Variants in SCARA3 observed in about 807,000 individuals in gnomAD.
SCARA3 encodes the protein cellular stress response gene protein.
Under a neutral mutation model 47.0 loss-of-function variants are expected in SCARA3, and 39 were observed. The ratio of observed to expected loss-of-function variants is 0.83; its 90% confidence interval spans 0.64 to 1.08. The LOEUF (loss-of-function observed/expected upper bound fraction) is 1.08, where lower values mean the gene tolerates loss of function less well. Among genes scored for constraint, SCARA3 ranks in the 50% least tolerant of loss-of-function variants. The pLI, the probability that SCARA3 is intolerant of heterozygous loss-of-function variation, is 0.00. For missense variants in SCARA3, 724 were observed against 792.3 expected, an observed-to-expected ratio of 0.91 and a Z score of 1.04; for synonymous variants, 356 against 334.1, an observed-to-expected ratio of 1.07 and a Z score of -0.71.
At chr8:27,648,582 C>T (rs996309537) in intron 1 of SCARA3, among the ~76,000 whole-genome samples, 15 of 150,914 alleles carry the variant, frequency 9.9e-5, no homozygotes, top group African/African-American at 2.9e-4. Flanking sequence ...CCAGCCTGGG[C>T]GACACAGTGA....
chr8:27,715,595 A>T, the SCARA3 span, among the ~76,000 whole-genome samples: 1 of 109,774 alleles, frequency 9.1e-6, no homozygotes, highest in Non-Finnish European at 1.9e-5. The surrounding 1 kb of genome is among the most constrained non-coding windows in gnomAD (Gnocchi z 4.2). Context: ...TAGATGATAG[A>T]TAGATAGATA....
chr8:27,649,711 C>A lies in SCARA3; in HGVS notation c.17C>A (p.Ala6Asp). Reference protein sequence around the residue: MKVRSAGGDGDALCVT... With the variant: MKVRSDGGDGDALCVT... ...ACTGGCTTCATTATAGTGAGGTCGG[C>A]CGGCGGCGATGGAGATGCCTTGTGC... Residue 6 changes from alanine to aspartate, a missense_variant, in exon 2 of 6, where the codon GCC becomes GAC. Coordinates refer to ENST00000301904, the MANE Select transcript of SCARA3 (RefSeq NM_016240.3). 5.0e-6 allele frequency: 8 copies of A among 1,614,008 alleles called. No homozygotes were observed. The highest frequency in any genetic ancestry group is 6.8e-6 in the Non-Finnish European group (8 of 1,179,988).
rs1370614415 is a variant in SCARA3, at chr8:27,672,964, A to G, written c.*1613A>G. 14 of 985,352 alleles carry G rather than the reference A, an allele frequency of 1.4e-5. No individual in the cohort carries two copies. Among genetic ancestry groups the G allele is most frequent in the Non-Finnish European group, 1.6e-5 (13 of 829,946 alleles). The allele number at this position is 985,352 out of a possible 1,614,324, so 61.0% of individuals were successfully genotyped here. The stretch of plus-strand genomic sequence containing the variant: ...GGCCATGTAACTCTCCTGTCCACAT[A>G]TGATAATACCATTCTGCATAGTATT... On this transcript the variant is annotated 3_prime_UTR_variant, in exon 6 of 6. Coordinates refer to ENST00000301904, the MANE Select transcript of SCARA3 (RefSeq NM_016240.3).
intron 1 of SCARA3, 41 bp downstream of exon 1, chr8:27,634,248 C>T (rs778365012): frequency 3.0e-6 from 4 of 1,330,102 alleles, no homozygotes; most frequent in Non-Finnish European, 3.8e-6. Flanking sequence ...GGGGGGCCGC[C>T]TGCACCCCCG....
chr8:27,670,669 C>A (rs1802124437), intron 5 of SCARA3, among the ~76,000 whole-genome samples: 1 of 152,128 alleles, frequency 6.6e-6, no homozygotes, highest in African/African-American at 2.4e-5. Flanking sequence ...GCTGGCCAGC[C>A]CCTTGTTCCC....
At chr8:27,715,817 AGATAGAT>A in the SCARA3 span, among the ~76,000 whole-genome samples, 10 of 140,668 alleles carry the variant, frequency 7.1e-5, no homozygotes, top group Admixed American at 2.2e-4. This position sits in a 1 kb window ranked among gnomAD's most constrained non-coding sequence, Gnocchi z 4.2. Context: ...ATAGATAGAT[AGATAGAT>A]GATAGATAGA....
the SCARA3 span, among the ~76,000 whole-genome samples, chr8:27,692,585 C>T: frequency 6.6e-6 from 1 of 152,150 alleles, no homozygotes; most frequent in African/African-American, 2.4e-5. Flanking sequence ...GGAAAATCTA[C>T]ATTCTGTAGA....
the SCARA3 span, among the ~76,000 whole-genome samples, chr8:27,694,593 C>G: frequency 1.7e-4 from 26 of 151,996 alleles, no homozygotes; most frequent in African/African-American, 5.8e-4. Context: ...AAGGAATGAG[C>G]AGGGAGTTGA....
At chr8:27,635,648 G>C (rs1036021281) in intron 1 of SCARA3, among the ~76,000 whole-genome samples, 3 of 151,162 alleles carry the variant, frequency 2.0e-5, no homozygotes, top group African/African-American at 7.3e-5. Context: ...TAGATATGGG[G>C]CCTTATTATA....
chr8:27,724,910 A>C, the SCARA3 span, among the ~76,000 whole-genome samples: 1 of 152,256 alleles, frequency 6.6e-6, no homozygotes, highest in Non-Finnish European at 1.5e-5. Flanking sequence ...TGTCTTTGAC[A>C]GAGAAAATTC....
intron 2 of SCARA3, 50 bp from the exon 3 acceptor site, chr8:27,651,458 C>G: frequency 1.3e-6 from 2 of 1,595,542 alleles, no homozygotes; most frequent in Non-Finnish European, 8.5e-7. Flanking sequence ...CCCTTCAGCT[C>G]CAACCTGGGC....
At chr8:27,693,306 G>A in the SCARA3 span, among the ~76,000 whole-genome samples, 2 of 152,130 alleles carry the variant, frequency 1.3e-5, no homozygotes, top group Non-Finnish European at 2.9e-5. Flanking sequence ...ACAACATTGG[G>A]CACATGTTCT....
chr8:27,669,936 C>T (rs36029948), intron 5 of SCARA3, among the ~76,000 whole-genome samples: 7,010 of 152,182 alleles, frequency 0.046, 186 homozygotes, highest in Middle Eastern at 0.075. Flanking sequence ...TCCCTTCCCC[C>T]GAGAGGCCCA....
intron 5 of SCARA3, among the ~76,000 whole-genome samples, chr8:27,663,554 C>T (rs1176500118): frequency 6.6e-6 from 1 of 152,198 alleles, no homozygotes; most frequent in Non-Finnish European, 1.5e-5. Flanking sequence ...TCAGCTACCA[C>T]CCAGTTCATG....
the SCARA3 span, among the ~76,000 whole-genome samples, chr8:27,707,279 G>C: frequency 3.2e-4 from 48 of 152,122 alleles, 1 homozygote; most frequent in Admixed American, 3.1e-3. Flanking sequence ...GTCCCCCAAA[G>C]GAATGGCAAA....
the SCARA3 span, among the ~76,000 whole-genome samples, chr8:27,725,328 G>C: frequency 1.3e-5 from 2 of 151,140 alleles, no homozygotes; most frequent in African/African-American, 4.9e-5. Flanking sequence ...AGGAAGGATG[G>C]GTGAGTACTG....
At chr8:27,684,910 T>C in the SCARA3 span, among the ~76,000 whole-genome samples, 1 of 146,664 alleles carries the variant, frequency 6.8e-6, no homozygotes, top group Admixed American at 6.8e-5. Flanking sequence ...CTAAAAAAAA[T>C]TTTAATTAAT....
intron 1 of SCARA3, among the ~76,000 whole-genome samples, chr8:27,639,498 G>A (rs756387732): frequency 6.6e-6 from 1 of 152,098 alleles, no homozygotes; most frequent in Non-Finnish European, 1.5e-5. Context: ...TTGGACAGCA[G>A]GTCCTGGGGG....
chr8:27,720,369 A>C, the SCARA3 span, among the ~76,000 whole-genome samples: 1 of 152,018 alleles, frequency 6.6e-6, no homozygotes, highest in African/African-American at 2.4e-5. Flanking sequence ...ACAAACACGA[A>C]ATTAGAGATT....
Sources: allele counts gnomAD v4.1 joint callset (sites outside exome capture counted in the v4.1 genomes callset), GRCh38; gene constraint gnomAD v4.1.1; non-coding constraint Gnocchi (gnomAD v3.1); transcripts MANE v1.5; gene names NCBI Gene and HGNC (gene_info 2026-07-23, HGNC 2026-07-21).